The following CEP152 variants were observed in gnomAD, a reference collection of about 807,000 sequenced individuals.
The protein encoded by CEP152 is centrosomal protein 152, also known as centrosomal protein of 152 kDa.
Under a neutral mutation model 188.9 loss-of-function variants are expected in CEP152, and 132 were observed. The observed-to-expected ratio is 0.70, with a 90% CI of 0.61 to 0.81. The LOEUF (loss-of-function observed/expected upper bound fraction) is 0.81, where lower values mean the gene tolerates loss of function less well. Among genes scored for constraint, CEP152 ranks in the 30% least tolerant of loss-of-function variants. The probability of loss-of-function intolerance (pLI) is 0.00; values close to 1 mark genes in which losing one functional copy is unlikely to be tolerated. For missense variants in CEP152, 1,914 were observed against 1,969.8 expected, an observed-to-expected ratio of 0.97 and a Z score of 0.54; for synonymous variants, 649 against 666.6, an observed-to-expected ratio of 0.97 and a Z score of 0.41.
In CEP152 at chr15:48,760,256, G is replaced by A. The variant is rs534234941; in HGVS notation, c.2573C>T (p.Ala858Val). Residue 858 changes from alanine to valine, a missense_variant, in exon 19 of 27, where the codon GCT (alanine) becomes GTT (valine). Physicochemically the swap from Ala to Val is moderately conservative, Grantham distance 64. Transcript: ENST00000380950. ...CENITKQVEI[A>V]VQNAHQRWLG... is the part of the protein sequence containing the mutation. ...CCATCGCTGATGAGCATTTTGCACA[G>A]CTATTTCTACCTGTAGGACATTGCA... 1.2e-6 allele frequency: 2 copies of A among 1,613,986 alleles called. No homozygotes were observed. Among genetic ancestry groups the A allele is most frequent in the African/African-American group, 1.3e-5 (1 of 75,044 alleles).
At chr15:48,763,321 T>A (rs1894831864) in intron 17 of CEP152, among the ~76,000 whole-genome samples, 1 of 152,228 alleles carries the variant, frequency 6.6e-6, no homozygotes. Flanking sequence ...TCTGAAGTTC[T>A]CCTACTGTTT....
In CEP152 at chr15:48,739,212, A is replaced by G. The variant is rs1385635899; in HGVS notation, c.4170T>C (p.Cys1390=). 1 of 1,613,092 alleles carries G rather than the reference A, an allele frequency of 6.2e-7. No homozygotes were observed. The highest frequency in any genetic ancestry group is 8.5e-7 in the Non-Finnish European group (1 of 1,179,824). The part of the protein sequence containing the change: ...KRNDVNQKIP[C]CIESKSNSVN... ...CACTATTTGATTTGCTTTCAATACAACATGGTATTTTCTGATTCACATCAT... is the reference window on the plus strand; with the variant it reads ...CACTATTTGATTTGCTTTCAATACAGCATGGTATTTTCTGATTCACATCAT... Residue 1390 remains cysteine, a synonymous_variant, in exon 27 of 27, where the codon TGT becomes TGC. Coordinates refer to ENST00000380950, the MANE Select transcript of CEP152 (RefSeq NM_001194998.2).
At chr15:48,806,690 C>A (rs558496619) in intron 1 of CEP152, among the ~76,000 whole-genome samples, 2 of 152,214 alleles carry the variant, frequency 1.3e-5, no homozygotes, top group African/African-American at 4.8e-5. Context: ...TTAGCTCCCT[C>A]GTCTTAACAG....
rs1360535965 is a variant in CEP152 at position 48,739,189 on chromosome 15, C to G, written c.4193G>C (p.Ser1398Thr). 1 of 1,613,818 alleles carries G rather than the reference C, an allele frequency of 6.2e-7. No homozygotes were observed. Among genetic ancestry groups the G allele is most frequent in the Non-Finnish European group, 8.5e-7 (1 of 1,179,928 alleles). ...IPCCIESKSN[S>T]VNTITRTLCE... Reference sequence around the variant, plus strand: ...CAGAGTTCTGGTGATGGTGTTTACACTATTTGATTTGCTTTCAATACAACA... The same window carrying G: ...CAGAGTTCTGGTGATGGTGTTTACAGTATTTGATTTGCTTTCAATACAACA... Residue 1398 changes from serine (S) to threonine (T), a missense_variant, in exon 27 of 27, where the codon AGT (serine) becomes ACT (threonine). Physicochemically the swap from Ser to Thr is moderately conservative, Grantham distance 58 (BLOSUM62 1). Coordinates refer to ENST00000380950, the MANE Select transcript of CEP152 (RefSeq NM_001194998.2).
chr15:48,738,798 A>T lies in CEP152; in HGVS notation c.4584T>A (p.Asn1528Lys). The change falls in exon 27 of 27, where the codon AAT becomes AAA. Residue 1528 changes from asparagine (N) to lysine (K), a missense_variant. Transcript: ENST00000380950. Reference sequence around the variant, plus strand: ...TATATACTTTTAAACCAAGTCTTTCATTAGAATCGCGAAAGGTTATATGCA... The same window carrying T: ...TATATACTTTTAAACCAAGTCTTTCTTTAGAATCGCGAAAGGTTATATGCA... ...GCMHITFRDSNERLGLKVYKC... is the reference protein window; with the variant it reads ...GCMHITFRDSKERLGLKVYKC... 6.2e-7 allele frequency: 1 copy of T among 1,614,194 alleles called. No individual in the cohort carries two copies. The highest frequency in any genetic ancestry group is 8.5e-7 in the Non-Finnish European group (1 of 1,180,010).
rs774173743 is a variant in CEP152, at chr15:48,767,392, T to C, written c.2090A>G (p.His697Arg). 4.3e-6 allele frequency: 7 copies of C among 1,614,102 alleles called. No homozygotes were observed. The highest frequency in any genetic ancestry group is 1.6e-4 in the Middle Eastern group (1 of 6,084). ...TQIRESLLAK[H>R]ALEKQQLFEA... The stretch of plus-strand genomic sequence containing the variant: ...AAAGAGCTGCTGCTTCTCCAAAGCA[T>C]GCTTTGCTAATAGGCTTTCACGTAT... The change falls in exon 16 of 27, where the codon CAT becomes CGT. Residue 697 changes from histidine (H) to arginine (R), a missense_variant. By Grantham distance (29) the His-to-Arg change is conservative (BLOSUM62 0). Transcript: ENST00000380950.
At chr15:48,741,077 C>T in intron 26 of CEP152, 1 of 996,562 alleles carries the variant, frequency 1.0e-6, no homozygotes, top group Non-Finnish European at 1.2e-6. Context: ...CCATCCTATA[C>T]TGTCTTCTTT....
At chr15:48,776,423 T>C (rs1176173174) in intron 12 of CEP152, among the ~76,000 whole-genome samples, 4 of 152,100 alleles carry the variant, frequency 2.6e-5, no homozygotes, top group Non-Finnish European at 5.9e-5. Flanking sequence ...AGGACGTGGG[T>C]AATAATGTAA....
At chr15:48,781,422 C>G in intron 11 of CEP152, 63 bp from the exon 12 acceptor site, 1 of 1,400,542 alleles carries the variant, frequency 7.1e-7, no homozygotes, top group Non-Finnish European at 9.9e-7. Flanking sequence ...ATCAGTCATT[C>G]TGTTTCAAAA....
Position 48,756,414 on chromosome 15 carries a change from A to T in CEP152, c.2834T>A (p.Val945Asp). 1 of 1,613,266 alleles carries T rather than the reference A, an allele frequency of 6.2e-7. No individual in the cohort carries two copies. Among genetic ancestry groups the T allele is most frequent in the Non-Finnish European group, 8.5e-7 (1 of 1,179,562 alleles). ...QKELELKNEE[V>D]PVVIRAELAK... ...TAACTCAGCCCTGATGACCACAGGG[A>T]CTTCTTCGTTCTTTAACTCAAGTTC... Residue 945 changes from valine (V) to aspartate (D), a missense_variant, in exon 20 of 27, where the codon GTC becomes GAC. Physicochemically the swap from Val to Asp is radical, Grantham distance 152. Transcript: ENST00000380950.
rs74335567 is a variant in CEP152 at position 48,798,539 on chromosome 15, TC to T, written c.88-489del. ...AGGTGGCCTAGAAGCTCTTAAATGC[TC>T]TGATAATGTAGAAACCCGTGGGAGT... On this transcript the variant is annotated intron_variant, in intron 2 of 26. Coordinates refer to ENST00000380950, the MANE Select transcript of CEP152 (RefSeq NM_001194998.2). Among the ~76,000 whole-genome samples, 5 of 124,426 alleles carry T rather than the reference TC, an allele frequency of 4.0e-5. No homozygotes were observed. In the East Asian group the frequency reaches 1.1e-3, roughly 28 times the overall value. 81.6% of individuals were successfully genotyped at this position (124,426 alleles called of 152,430 possible).
intron 1 of CEP152, 164 bp downstream of exon 1, chr15:48,810,796 TG>T (rs1035872376): frequency 4.6e-5 from 7 of 152,324 alleles, no homozygotes; most frequent in African/African-American, 1.7e-4. Flanking sequence ...GAGGTCTAAA[TG>T]ACACGTTAAG....
At chr15:48,782,978 A>G (rs922993029) in intron 10 of CEP152, among the ~76,000 whole-genome samples, 1 of 152,228 alleles carries the variant, frequency 6.6e-6, no homozygotes, top group Admixed American at 6.5e-5. Context: ...CTATCAAGAC[A>G]TATATACACA....
Position 48,797,729 on chromosome 15 carries a change from G to T in CEP152, c.193C>A (p.Pro65Thr), listed in dbSNP as rs1279295347. The change falls in exon 4 of 27, where the codon CCA (proline) becomes ACA (threonine). Residue 65 changes from proline to threonine, a missense_variant and splice_region_variant. Pro to Thr is a conservative substitution (Grantham distance 38). Coordinates refer to ENST00000380950, the MANE Select transcript of CEP152 (RefSeq NM_001194998.2). ...ATCTCCAATTGCTCAGGATGATGTG[G>T]TCTCGAGAAAAAGGAATACTTTCGA... Reference protein sequence around the residue: ...DCSEDGTDGQPHHPEQLEMSW... With the variant: ...DCSEDGTDGQTHHPEQLEMSW... 1 of 1,613,978 alleles carries T rather than the reference G, an allele frequency of 6.2e-7. No individual in the cohort carries two copies. Among genetic ancestry groups the T allele is most frequent in the Non-Finnish European group, 8.5e-7 (1 of 1,179,948 alleles).
chr15:48,802,401 T>C (rs555371180), intron 2 of CEP152, among the ~76,000 whole-genome samples: 1 of 152,268 alleles, frequency 6.6e-6, no homozygotes, highest in African/African-American at 2.4e-5. Context: ...TGACGATACA[T>C]ATCTCTATGA....
intron 12 of CEP152, among the ~76,000 whole-genome samples, chr15:48,780,483 T>C (rs150172586): frequency 2.9e-3 from 446 of 152,320 alleles, no homozygotes; most frequent in African/African-American, 0.01. Flanking sequence ...ATACAACATG[T>C]ATTAAACACT....
intron 23 of CEP152, 66 bp from the exon 24 acceptor site, chr15:48,744,409 A>T: frequency 6.3e-7 from 1 of 1,581,706 alleles, no homozygotes; most frequent in South Asian, 1.1e-5. Flanking sequence ...TGAAAAATAT[A>T]TATGTATCCA....
rs587783425 is a variant in CEP152, at chr15:48,738,857, T to C, written c.4525A>G (p.Arg1509Gly). The C allele has an allele frequency of 1.4e-5, 23 of 1,614,094 alleles. No individual in the cohort carries two copies. The highest frequency in any genetic ancestry group is 1.9e-5 in the Non-Finnish European group (23 of 1,180,030). ...GATTCAGAAGGACCAGGGGTACATC[T>C]AGGTGAGGGTTTATTTCCTAAGGTT... The part of the protein sequence containing the change: ...LGTLGNKPSP[R>G]CTPGPSESGC... The change falls in exon 27 of 27, where the codon AGA becomes GGA. Residue 1509 changes from arginine (R) to glycine (G), a missense_variant. Physicochemically the swap from Arg to Gly is moderately radical, Grantham distance 125. Transcript: ENST00000380950.
intron 16 of CEP152, 42 bp downstream of exon 16, chr15:48,767,293 A>T: frequency 6.2e-7 from 1 of 1,614,110 alleles, no homozygotes; most frequent in Non-Finnish European, 8.5e-7. Flanking sequence ...AGGGGAATGT[A>T]GTCTCTACAG....
Sources: allele counts gnomAD v4.1 joint callset (sites outside exome capture counted in the v4.1 genomes callset), GRCh38; gene constraint gnomAD v4.1.1; transcripts MANE v1.5; gene names NCBI Gene and HGNC (gene_info 2026-07-23, HGNC 2026-07-21).